The following KCNJ16 variants were observed in gnomAD, a reference collection of about 807,000 sequenced individuals.
The protein encoded by KCNJ16 is potassium inwardly rectifying channel subfamily J member 16.
A neutral mutation model predicts 18.5 loss-of-function variants in KCNJ16; 15 were observed. The observed-to-expected ratio is 0.81, with a 90% confidence interval of 0.54 to 1.25. The LOEUF (loss-of-function observed/expected upper bound fraction) is 1.25. KCNJ16 is among the 50% of genes most tolerant of loss of function. The pLI is 0.00. For synonymous variants in KCNJ16, 174 were observed against 186.5 expected (o/e 0.93, Z 0.55); for missense variants, 523 against 525.7 (o/e 0.99, Z 0.05).
chr17:70,081,461 A>G (rs1004161198), intron 1 of KCNJ16, among the ~76,000 whole-genome samples: 2 of 152,222 alleles, frequency 1.3e-5, no homozygotes, highest in African/African-American at 4.8e-5. Context: ...AACTGAACAA[A>G]GCAAATCACA....
rs1001859709 is a variant in KCNJ16, at chr17:70,077,144, T to C, written c.-300+1754T>C. On this transcript the variant is annotated intron_variant, in intron 1 of 3. Transcript: ENST00000392671. ...GTTAACAAAACAGCAAAGAGGCCAG[T>C]GTGGCTGAAGCAAAATTGCAGGAGT... is the stretch of plus-strand genomic sequence containing the variant. 6.6e-5 allele frequency among the ~76,000 whole-genome samples: 10 copies of C among 152,292 alleles called. No individual in the cohort carries two copies. In the East Asian group the frequency reaches 1.9e-3, roughly 29 times the overall value.
chr17:70,103,222 ATG>A (rs1469937526), intron 2 of KCNJ16, among the ~76,000 whole-genome samples: 1 of 143,596 alleles, frequency 7.0e-6, no homozygotes, highest in Non-Finnish European at 1.5e-5. Flanking sequence ...GTGTATATAT[ATG>A]TGTATTATAT....
intron 1 of KCNJ16, among the ~76,000 whole-genome samples, chr17:70,089,247 G>A (rs1045901036): frequency 1.3e-5 from 2 of 152,048 alleles, no homozygotes; most frequent in African/African-American, 4.8e-5. Context: ...TTGGGGCCAC[G>A]CTATCCTCAT....
rs763482357 is a variant in KCNJ16, at chr17:70,132,440, T to A, written c.353T>A (p.Phe118Tyr). 1 of 1,614,212 alleles carries A rather than the reference T, an allele frequency of 6.2e-7. No individual in the cohort carries two copies. The highest frequency in any genetic ancestry group is 8.5e-7 in the Non-Finnish European group (1 of 1,180,026). ...CCTTGTGTTGACAACGTCCATTCTT[T>A]CACAGGGGCCTTTTTGTTCTCCCTA... ...ITPCVDNVHS[F>Y]TGAFLFSLET... is the part of the protein sequence containing the mutation. The change falls in exon 4 of 4, where the codon TTC becomes TAC. Residue 118 changes from phenylalanine to tyrosine, a missense_variant. By Grantham distance (22) the Phe-to-Tyr change is conservative (BLOSUM62 3). Coordinates refer to ENST00000392671, the MANE Select transcript of KCNJ16 (RefSeq NM_170741.4).
intron 1 of KCNJ16, among the ~76,000 whole-genome samples, chr17:70,077,015 T>A (rs767113171): frequency 1.3e-5 from 2 of 152,176 alleles, no homozygotes; most frequent in Non-Finnish European, 2.9e-5. Context: ...GGGTGATATT[T>A]AGCCAAAGAC....
At chr17:70,084,347 T>C (rs545078823) in intron 1 of KCNJ16, among the ~76,000 whole-genome samples, 35 of 152,268 alleles carry the variant, frequency 2.3e-4, no homozygotes, top group African/African-American at 6.3e-4. Context: ...GTCCCTGACA[T>C]TGAAGAGTCC....
chr17:70,104,765 T>C (rs1163697693), intron 2 of KCNJ16: 1 of 152,620 alleles, frequency 6.6e-6, no homozygotes, highest in Non-Finnish European at 1.5e-5. Flanking sequence ...TTGGTTCTTG[T>C]TTTCTGTCCG....
At chr17:70,110,531 A>G (rs931747812) in intron 2 of KCNJ16, among the ~76,000 whole-genome samples, 46 of 151,398 alleles carry the variant, frequency 3.0e-4, no homozygotes, top group Non-Finnish European at 5.5e-4. Context: ...AGTCTTTATG[A>G]TGAGAGCTAG....
At position 70,132,210 on chromosome 17, in the gene KCNJ16, C is replaced by T; in HGVS notation, c.123C>T (p.Gly41=). The change falls in exon 4 of 4, where the codon GGC becomes GGT. Residue 41 remains glycine, a synonymous_variant. Coordinates refer to ENST00000392671, the MANE Select transcript of KCNJ16 (RefSeq NM_170741.4). ...RARRRLLHKD[G]SCNVYFKHIF... The stretch of plus-strand genomic sequence containing the variant: ...GAAGACGATTACTTCACAAAGATGG[C>T]AGCTGTAATGTCTACTTCAAGCACA... 6.2e-7 allele frequency: 1 copy of T among 1,614,182 alleles called. No homozygotes were observed.
At chr17:70,128,709 C>T (rs966428355) in intron 2 of KCNJ16, 3 of 152,210 alleles carry the variant, frequency 2.0e-5, no homozygotes, top group Non-Finnish European at 4.4e-5. Flanking sequence ...TAGTAATTTT[C>T]ATTTGCAATA....
intron 2 of KCNJ16, among the ~76,000 whole-genome samples, chr17:70,118,650 A>G (rs2073510238): frequency 6.6e-6 from 1 of 152,050 alleles, no homozygotes; most frequent in South Asian, 2.1e-4. Flanking sequence ...TTAAATGACT[A>G]GATCTCATAA....
At chr17:70,107,060 G>C (rs1319674661) in intron 2 of KCNJ16, among the ~76,000 whole-genome samples, 1 of 152,086 alleles carries the variant, frequency 6.6e-6, no homozygotes, top group East Asian at 1.9e-4. Flanking sequence ...GAGAGCTTAG[G>C]CTTCAGGCAA....
At chr17:70,092,527 T>C (rs1307239906) in intron 1 of KCNJ16, among the ~76,000 whole-genome samples, 3 of 60,264 alleles carry the variant, frequency 5.0e-5, no homozygotes, top group African/African-American at 2.6e-4. Flanking sequence ...GATAGATACA[T>C]AGACAGATAG....
At chr17:70,092,587 A>G (rs1598105072) in intron 1 of KCNJ16, among the ~76,000 whole-genome samples, 1 of 151,610 alleles carries the variant, frequency 6.6e-6, no homozygotes, top group Admixed American at 6.6e-5. Context: ...AGATAGATAG[A>G]TAGATAGATA....
At chr17:70,127,552 G>C (rs1233326843) in intron 2 of KCNJ16, among the ~76,000 whole-genome samples, 1 of 151,776 alleles carries the variant, frequency 6.6e-6, no homozygotes, top group East Asian at 1.9e-4. Flanking sequence ...AGCACCCAAA[G>C]CCCACCCATA....
At chr17:70,086,943 G>A (rs1222685005) in intron 1 of KCNJ16, among the ~76,000 whole-genome samples, 1 of 152,016 alleles carries the variant, frequency 6.6e-6, no homozygotes, top group African/African-American at 2.4e-5. Flanking sequence ...CTGTCACCCA[G>A]GCTGGAGTGC....
Position 70,132,695 on chromosome 17 carries a change from T to C in KCNJ16, c.608T>C (p.Ile203Thr). 6.2e-7 allele frequency: 1 copy of C among 1,614,190 alleles called. No individual in the cohort carries two copies. The highest frequency in any genetic ancestry group is 8.5e-7 in the Non-Finnish European group (1 of 1,180,038). The change falls in exon 4 of 4, where the codon ATT becomes ACT. Residue 203 changes from isoleucine (I) to threonine (T), a missense_variant. Ile to Thr is a moderately conservative substitution (Grantham distance 89, BLOSUM62 -1). Transcript: ENST00000392671. The stretch of plus-strand genomic sequence containing the variant: ...GGGAAGCTTTGCCTCATGTGGCGCA[T>C]TGGTGATTTTCGGCCAAACCACGTG... ...RDGKLCLMWR[I>T]GDFRPNHVVE... is the part of the protein sequence containing the mutation.
At chr17:70,092,095 C>G (rs1206916788) in intron 1 of KCNJ16, among the ~76,000 whole-genome samples, 1 of 152,144 alleles carries the variant, frequency 6.6e-6, no homozygotes, top group East Asian at 1.9e-4. Context: ...TGGAATGAAC[C>G]ATAGCAAGTT....
intron 2 of KCNJ16, among the ~76,000 whole-genome samples, chr17:70,130,113 A>G (rs911308402): frequency 6.6e-6 from 1 of 152,090 alleles, no homozygotes; most frequent in African/African-American, 2.4e-5. Context: ...TTAATTTGAA[A>G]TCATATGGAC....
Sources: allele counts gnomAD v4.1 joint callset (sites outside exome capture counted in the v4.1 genomes callset), GRCh38; gene constraint gnomAD v4.1.1; transcripts MANE v1.5; gene names NCBI Gene and HGNC (gene_info 2026-07-23, HGNC 2026-07-21).